The following SRGAP3 variants were observed in gnomAD, a reference collection of about 807,000 sequenced individuals.
SRGAP3 encodes SLIT-ROBO Rho GTPase activating protein 3.
Under a neutral mutation model 121.1 loss-of-function variants are expected in SRGAP3, and 39 were observed. That is an observed-to-expected ratio of 0.32 (90% confidence interval 0.25 to 0.42). The LOEUF is 0.42. SRGAP3 is among the 10% of genes least tolerant of loss of function. The pLI is 1.00. For missense variants in SRGAP3, 1,213 were observed against 1,470.6 expected (o/e 0.82, Z 2.86); for synonymous variants, 601 against 570.0 (o/e 1.05, Z -0.77).
At chr3:8,988,579 G>A (rs1941859569) in intron 21 of SRGAP3, among the ~76,000 whole-genome samples, 1 of 152,168 alleles carries the variant, frequency 6.6e-6, no homozygotes, top group Non-Finnish European at 1.5e-5. Context: ...GGCAGGTCGT[G>A]CAAAACGCTC....
At chr3:9,068,704 T>C (rs568176585) in intron 4 of SRGAP3, among the ~76,000 whole-genome samples, 5 of 152,322 alleles carry the variant, frequency 3.3e-5, no homozygotes, top group Non-Finnish European at 5.9e-5. Context: ...CTTAGCTCAA[T>C]AGACTAGAAC....
intron 1 of SRGAP3, among the ~76,000 whole-genome samples, chr3:9,136,008 C>T (rs1949632580): frequency 6.6e-6 from 1 of 152,224 alleles, no homozygotes; most frequent in South Asian, 2.1e-4. Context: ...AGTCATGGAC[C>T]GTGAGCACCA....
At chr3:9,235,570 C>T (rs1953378154) in intron 1 of SRGAP3, 1 of 140,100 alleles carries the variant, frequency 7.1e-6, no homozygotes, top group Non-Finnish European at 1.5e-5. Flanking sequence ...GTGGCATGAT[C>T]TCGGCTCACT....
At chr3:9,096,917 T>C (rs1238992694) in intron 3 of SRGAP3, among the ~76,000 whole-genome samples, 1 of 137,498 alleles carries the variant, frequency 7.3e-6, no homozygotes, top group Non-Finnish European at 1.5e-5. Flanking sequence ...TAGCTAATTA[T>C]ATATTTTTTA....
At chr3:9,306,697 G>C (rs1448625961) in intron 3 of SRGAP3, among the ~76,000 whole-genome samples, 1 of 152,036 alleles carries the variant, frequency 6.6e-6, no homozygotes, top group Non-Finnish European at 1.5e-5. Context: ...TCTTGTTTTT[G>C]TCAGGTTTGT....
chr3:9,105,401 G>A (rs1034017242), intron 2 of SRGAP3, among the ~76,000 whole-genome samples: 1 of 152,198 alleles, frequency 6.6e-6, no homozygotes, highest in Non-Finnish European at 1.5e-5. Context: ...TCTGTGTTCA[G>A]GAGGAAGGGT....
chr3:9,015,905 T>C lies in SRGAP3; in HGVS notation c.1679-174A>G, dbSNP rs1274378151. On this transcript the variant is annotated intron_variant, in intron 14 of 21. Transcript: ENST00000383836. ...GCAAGTTTAAAGTTCTCCCTGCAAC[T>C]TATTTGAAAATGTTTAAATCTATAG... 4.5e-6 allele frequency: 3 copies of C among 670,836 alleles called. No individual in the cohort carries two copies. The East Asian group carries it at 8.2e-5, about 18-fold the overall frequency. 41.6% of individuals were successfully genotyped at this position (670,836 alleles called of 1,614,324 possible).
intron 1 of SRGAP3, among the ~76,000 whole-genome samples, chr3:9,236,845 A>G (rs1018436850): frequency 6.6e-6 from 1 of 152,186 alleles, no homozygotes. Context: ...GGATGCAAAA[A>G]TTGGTGAAAT....
chr3:9,077,935 C>T (rs1947048229), intron 4 of SRGAP3, among the ~76,000 whole-genome samples: 1 of 152,188 alleles, frequency 6.6e-6, no homozygotes, highest in Non-Finnish European at 1.5e-5. Context: ...GCCTTTGGGC[C>T]TTTCATGCAG....
At chr3:9,154,346 T>C (rs1380154937) in intron 1 of SRGAP3, among the ~76,000 whole-genome samples, 3 of 152,090 alleles carry the variant, frequency 2.0e-5, no homozygotes, top group Admixed American at 1.3e-4. Flanking sequence ...TAACTCAAAA[T>C]AGACTGGCTT....
intron 11 of SRGAP3, chr3:9,033,838 A>T (rs1462311979): frequency 6.6e-6 from 1 of 152,260 alleles, no homozygotes; most frequent in Non-Finnish European, 1.5e-5. Flanking sequence ...CCTGTGAAGG[A>T]GAACTGACAG....
intron 3 of SRGAP3, among the ~76,000 whole-genome samples, chr3:9,290,827 C>T (rs1182522705): frequency 6.6e-6 from 1 of 152,202 alleles, no homozygotes; most frequent in South Asian, 2.1e-4. Context: ...AATGAGACCA[C>T]TAGCAAGATG....
chr3:9,273,407 G>A (rs138168921), intron 3 of SRGAP3, among the ~76,000 whole-genome samples: 1 of 152,220 alleles, frequency 6.6e-6, no homozygotes, highest in African/African-American at 2.4e-5. Context: ...TTCAAAAAAT[G>A]TCTATCCAAG....
rs567928750 is a variant in SRGAP3 at position 9,155,355 on chromosome 3, T to C, written c.68-30438A>G. Among the ~76,000 whole-genome samples the C allele has an allele frequency of 9.1e-4, 138 of 152,330 alleles. 2 individuals are homozygous for C. Among genetic ancestry groups the C allele is most frequent in the South Asian group, 3.3e-3 (16 of 4,832 alleles). ...CTCTTTGGAGGTTTGCATTTTGAAGTTGCACTACAATCTGTCTGGGTGTGG... is the reference window on the plus strand; with the variant it reads ...CTCTTTGGAGGTTTGCATTTTGAAGCTGCACTACAATCTGTCTGGGTGTGG... On this transcript the variant is annotated intron_variant, in intron 1 of 21. Transcript: ENST00000383836.
intron 18 of SRGAP3, among the ~76,000 whole-genome samples, chr3:9,005,811 G>A (rs192197335): frequency 3.0e-4 from 46 of 152,266 alleles, no homozygotes; most frequent in South Asian, 1.7e-3. Flanking sequence ...AAAGGGTACA[G>A]GGCTTCTTTT....
intron 2 of SRGAP3, among the ~76,000 whole-genome samples, chr3:9,117,233 T>C (rs1023354377): frequency 1.3e-5 from 2 of 152,236 alleles, no homozygotes; most frequent in African/African-American, 4.8e-5. Flanking sequence ...ATTTATATGC[T>C]CAATTTATAT....
intron 11 of SRGAP3, chr3:9,034,781 T>C (rs534908308): frequency 3.3e-5 from 5 of 152,320 alleles, no homozygotes; most frequent in African/African-American, 1.2e-4. Flanking sequence ...CAAGAGCTGC[T>C]CTTAAATTTT....
chr3:9,240,457 C>T (rs991010616), intron 1 of SRGAP3, among the ~76,000 whole-genome samples: 1 of 152,118 alleles, frequency 6.6e-6, no homozygotes, highest in African/African-American at 2.4e-5. Context: ...CCCTCCTGAC[C>T]TCACCAATCC....
intron 1 of SRGAP3, among the ~76,000 whole-genome samples, chr3:9,247,853 C>T (rs1393909162): frequency 6.6e-6 from 1 of 152,264 alleles, no homozygotes; most frequent in African/African-American, 2.4e-5. Flanking sequence ...CCACAGGGCA[C>T]ATCCTCAGAG....
Sources: gnomAD v4.1 joint callset for allele counts (sites outside exome capture counted in the v4.1 genomes callset) on GRCh38, gnomAD v4.1.1 for gene constraint, MANE v1.5 for transcripts, NCBI Gene and HGNC (gene_info 2026-07-23, HGNC 2026-07-21) for gene names.